Variants in FAM53A observed in about 807,000 individuals in gnomAD.
The protein encoded by FAM53A is family with sequence similarity 53 member A, also known as protein FAM53A.
Under a neutral mutation model 26.6 loss-of-function variants are expected in FAM53A, and 28 were observed. The ratio of observed to expected loss-of-function variants is 1.05; its 90% CI spans 0.78 to 1.45. The LOEUF (loss-of-function observed/expected upper bound fraction) is 1.45. FAM53A is among the 40% of genes most tolerant of loss of function. FAM53A has a pLI of 0.00. For synonymous variants in FAM53A, 290 were observed against 253.1 expected, an observed-to-expected ratio of 1.15 and a Z score of -1.38; for missense variants, 650 against 575.8, an observed-to-expected ratio of 1.13 and a Z score of -1.32.
At chr4:1,639,725 G>A (rs965923255), downstream of FAM53A, among the ~76,000 whole-genome samples, 4 of 152,150 alleles carry the variant, frequency 2.6e-5, no homozygotes, top group Admixed American at 6.5e-5. Context: ...CAAGCAGCTC[G>A]GCCTCAGGAA....
Position 1,640,721 on chromosome 4 carries a change from C to A in FAM53A, c.*572G>T. 1 of 355,320 alleles carries A rather than the reference C, an allele frequency of 2.8e-6. No individual in the cohort carries two copies. The highest frequency in any genetic ancestry group is 2.1e-5 in the South Asian group (1 of 47,546). 22.0% of individuals were successfully genotyped at this position (355,320 alleles called of 1,614,324 possible). A position where few individuals can be genotyped will look rare whatever the true frequency, so the allele number is the denominator to read the frequency against. ...GGCAGTGCAGGCGGCAGCCGTGGCC[C>A]CGACCAACTCACAGGAAACCTACTC... On this transcript the variant is annotated 3_prime_UTR_variant, in exon 5 of 5. Coordinates refer to ENST00000308132, the MANE Select transcript of FAM53A (RefSeq NM_001174070.3).
chr4:1,651,176 C>T (rs1306505434), intron 4 of FAM53A, among the ~76,000 whole-genome samples: 1 of 147,988 alleles, frequency 6.8e-6, no homozygotes, highest in Non-Finnish European at 1.5e-5. Flanking sequence ...AAGATCACAC[C>T]ATTGTTCCAT....
chr4:1,621,477 T>TA (rs1440693763), intron 1 of FAM53A, among the ~76,000 whole-genome samples: 1 of 152,074 alleles, frequency 6.6e-6, no homozygotes, highest in Non-Finnish European at 1.5e-5. Flanking sequence ...AGACAGAACT[T>TA]AGTCACATGG....
intron 1 of FAM53A, among the ~76,000 whole-genome samples, chr4:1,673,416 C>G (rs74282795): frequency 0.074 from 11,313 of 152,188 alleles, 1,191 homozygotes; most frequent in African/African-American, 0.23. Flanking sequence ...GCAAGAGTCA[C>G]ACGCTCATAA....
chr4:1,678,690 C>CTAA (rs1715202373), intron 1 of FAM53A, among the ~76,000 whole-genome samples: 1 of 151,956 alleles, frequency 6.6e-6, no homozygotes, highest in Admixed American at 6.6e-5. Context: ...GGCGTGGTGG[C>CTAA]GTACATCTGT....
At chr4:1,611,871 C>T in the FAM53A span, among the ~76,000 whole-genome samples, 1 of 152,216 alleles carries the variant, frequency 6.6e-6, no homozygotes, top group Non-Finnish European at 1.5e-5. Flanking sequence ...CGAGCAGCTA[C>T]CCGAGAGCTA....
intron 1 of FAM53A, among the ~76,000 whole-genome samples, chr4:1,669,139 T>G (rs1346535788): frequency 6.6e-6 from 1 of 151,850 alleles, no homozygotes; most frequent in Non-Finnish European, 1.5e-5. Context: ...AAGCCTCAAC[T>G]GAAAGAAGAA....
At chr4:1,627,501 C>A (rs891479089) in intron 1 of FAM53A, among the ~76,000 whole-genome samples, 10 of 152,168 alleles carry the variant, frequency 6.6e-5, no homozygotes, top group Admixed American at 3.3e-4. Context: ...CAGTCCCCTG[C>A]TTGGAGCCCA....
chr4:1,652,527 T>C (rs1326601728), intron 4 of FAM53A, among the ~76,000 whole-genome samples: 1 of 112,978 alleles, frequency 8.9e-6, no homozygotes, highest in African/African-American at 3.6e-5. Flanking sequence ...CACCATATAC[T>C]CTACCATACA....
chr4:1,600,801 G>A, the FAM53A span, among the ~76,000 whole-genome samples: 2 of 152,100 alleles, frequency 1.3e-5, no homozygotes, highest in Non-Finnish European at 2.9e-5. Context: ...CAATCCCCCT[G>A]CACCCAGCCC....
chr4:1,599,707 C>T, the FAM53A span, among the ~76,000 whole-genome samples: 4,767 of 152,112 alleles, frequency 0.031, 205 homozygotes, highest in African/African-American at 0.089. The surrounding 1 kb of genome is among the most constrained non-coding windows in gnomAD (Gnocchi z 6.1). Flanking sequence ...ACAACACACA[C>T]ATACATACCC....
intron 1 of FAM53A, among the ~76,000 whole-genome samples, chr4:1,680,340 A>AAC (rs1715346944): frequency 6.6e-6 from 1 of 151,062 alleles, no homozygotes; most frequent in Non-Finnish European, 1.5e-5. Flanking sequence ...AAAAAAAAAA[A>AAC]AAAAACACAC....
At chr4:1,670,293 T>A (rs148928338) in intron 1 of FAM53A, among the ~76,000 whole-genome samples, 1 of 152,192 alleles carries the variant, frequency 6.6e-6, no homozygotes, top group Admixed American at 6.5e-5. Flanking sequence ...GAAACCAACA[T>A]GCACTTCCCT....
chr4:1,623,241 C>A (rs2108749659), intron 1 of FAM53A, among the ~76,000 whole-genome samples: 1 of 152,304 alleles, frequency 6.6e-6, no homozygotes, highest in East Asian at 1.9e-4. Context: ...GCAGGTGGAC[C>A]CTGAGATGGG....
chr4:1,664,322 A>C (rs1481611598), intron 2 of FAM53A, among the ~76,000 whole-genome samples: 1 of 152,208 alleles, frequency 6.6e-6, no homozygotes, highest in Non-Finnish European at 1.5e-5. Context: ...CGCAGATCAA[A>C]CAAGGAGCCC....
At chr4:1,609,917 C>G in the FAM53A span, among the ~76,000 whole-genome samples, 4 of 152,066 alleles carry the variant, frequency 2.6e-5, no homozygotes, top group Non-Finnish European at 4.4e-5. Context: ...GAGCCGAGAT[C>G]GCGCCACTGC....
At chr4:1,615,143 C>A (rs1236631057), downstream of FAM53A, among the ~76,000 whole-genome samples, 2 of 150,284 alleles carry the variant, frequency 1.3e-5, no homozygotes, top group African/African-American at 4.9e-5. Flanking sequence ...CACGCCCACC[C>A]CACCTGGGTA....
At chr4:1,662,339 C>T (rs993737918) in intron 2 of FAM53A, among the ~76,000 whole-genome samples, 5 of 151,678 alleles carry the variant, frequency 3.3e-5, no homozygotes, top group Admixed American at 2.0e-4. Context: ...ATTAGCCGGG[C>T]GTGATGGTGG....
Position 1,655,455 on chromosome 4 carries a change from G to T in FAM53A, c.405C>A (p.Ser135=). ...SEPEELVRCR[S]PWRPGSSKVW... Reference sequence around the variant, plus strand: ...CCTTGGAGCTGCCGGGGCGCCAGGGGGACCGGCAGCGCACAAGCTCCTCGG... The same window carrying T: ...CCTTGGAGCTGCCGGGGCGCCAGGGTGACCGGCAGCGCACAAGCTCCTCGG... The change falls in exon 4 of 5, where the codon TCC becomes TCA. Residue 135 remains serine, a synonymous_variant. Coordinates refer to ENST00000308132, the MANE Select transcript of FAM53A (RefSeq NM_001174070.3). 6.5e-7 allele frequency: 1 copy of T among 1,546,394 alleles called. No individual in the cohort carries two copies. The highest frequency in any genetic ancestry group is 8.7e-7 in the Non-Finnish European group (1 of 1,145,166).
Sources: gnomAD v4.1 joint callset for allele counts (sites outside exome capture counted in the v4.1 genomes callset) on GRCh38, gnomAD v4.1.1 for gene constraint, Gnocchi (gnomAD v3.1) non-coding constraint, MANE v1.5 for transcripts, NCBI Gene and HGNC (gene_info 2026-07-23, HGNC 2026-07-21) for gene names.